The following ARHGAP35 variants were observed in gnomAD, a reference collection of about 807,000 sequenced individuals.
ARHGAP35 encodes the protein Rho GTPase activating protein 35, also known as rho GTPase-activating protein 35.
ARHGAP35 carries 15 observed loss-of-function variants against 111.1 expected under a neutral mutation model. That is an observed-to-expected ratio of 0.13 (90% CI 0.09 to 0.21). The LOEUF (loss-of-function observed/expected upper bound fraction) is 0.21, where lower values mean the gene tolerates loss of function less well. Ranked by LOEUF, ARHGAP35 falls within the 10% of genes least tolerant of loss-of-function variation. The pLI is 1.00. For missense variants in ARHGAP35, 1,262 were observed against 1,873.0 expected (o/e 0.67, Z 6.02); for synonymous variants, 643 against 710.3 (o/e 0.91, Z 1.51).
chr19:46,960,124 AAAAG>A (rs1555763504), intron 3 of ARHGAP35, among the ~76,000 whole-genome samples: 11 of 151,480 alleles, frequency 7.3e-5, no homozygotes, highest in East Asian at 3.9e-4. Context: ...AAAAAAAAAA[AAAAG>A]AAAGAAAGAA....
chr19:46,873,759 C>A (rs1470075853), intron 1 of ARHGAP35, among the ~76,000 whole-genome samples: 1 of 128,884 alleles, frequency 7.8e-6, no homozygotes, highest in East Asian at 2.4e-4. Flanking sequence ...TTTTTTTTTT[C>A]TTTTTTGAGA....
At chr19:46,877,698 A>G (rs2055933297) in intron 1 of ARHGAP35, among the ~76,000 whole-genome samples, 1 of 152,072 alleles carries the variant, frequency 6.6e-6, no homozygotes, top group African/African-American at 2.4e-5. Context: ...AAAAATTTAA[A>G]TATTTTATTA....
intron 1 of ARHGAP35, among the ~76,000 whole-genome samples, chr19:46,871,545 G>T (rs2055887445): frequency 6.6e-6 from 1 of 151,834 alleles, no homozygotes; most frequent in Non-Finnish European, 1.5e-5. Context: ...GTTTCGCCAT[G>T]TTGGCCAGGC....
chr19:46,994,749 A>T lies in ARHGAP35; in HGVS notation c.4037-4555A>T, dbSNP rs529907203. ...GAATTTGGTTTTTGTCCCCTACTGC[A>T]TCCCCAGTGTGTAAAATAGTACCCA... is the stretch of plus-strand genomic sequence containing the variant. On this transcript the variant is annotated intron_variant, in intron 5 of 6. Transcript: ENST00000672722. This position sits in a 1 kb window ranked among gnomAD's most constrained non-coding sequence, Gnocchi z 5.4. Among the ~76,000 whole-genome samples the T allele has an allele frequency of 7.2e-5, 11 of 152,270 alleles. No homozygotes were observed. In the South Asian group the frequency reaches 2.1e-3, roughly 29 times the overall value.
At chr19:46,978,487 A>ATG (rs1265453782) in intron 3 of ARHGAP35, among the ~76,000 whole-genome samples, 5 of 140,170 alleles carry the variant, frequency 3.6e-5, no homozygotes, top group Non-Finnish European at 7.7e-5. Context: ...GGGGTAGGAT[A>ATG]TGTGTGTGTG....
intron 5 of ARHGAP35, among the ~76,000 whole-genome samples, chr19:46,991,626 G>A (rs151035797): frequency 2.0e-5 from 3 of 152,170 alleles, no homozygotes; most frequent in Admixed American, 6.5e-5. Flanking sequence ...CCGTTGTCTT[G>A]AACCTGACCG....
At chr19:46,996,681 G>C (rs566027004) in intron 5 of ARHGAP35, among the ~76,000 whole-genome samples, 55 of 152,300 alleles carry the variant, frequency 3.6e-4, no homozygotes, top group African/African-American at 1.2e-3. Flanking sequence ...GTGTCCTCCT[G>C]TGCCAAGCTA....
intron 1 of ARHGAP35, among the ~76,000 whole-genome samples, chr19:46,895,578 G>T (rs950499220): frequency 6.6e-6 from 1 of 152,156 alleles, no homozygotes; most frequent in Non-Finnish European, 1.5e-5. Context: ...ATCCTTAATT[G>T]CAAGTTACTG....
intron 2 of ARHGAP35, among the ~76,000 whole-genome samples, chr19:46,927,097 A>G (rs1304460456): frequency 6.6e-6 from 1 of 152,242 alleles, no homozygotes; most frequent in Non-Finnish European, 1.5e-5. Context: ...GGGTGGGCAC[A>G]CTGACTTGAC....
chr19:46,996,392 G>A (rs369003855), intron 5 of ARHGAP35, among the ~76,000 whole-genome samples: 20 of 152,200 alleles, frequency 1.3e-4, no homozygotes, highest in East Asian at 7.7e-4. Flanking sequence ...CTGAGCCACC[G>A]CGCCCGGCCC....
chr19:46,911,519 T>C (rs1280932984), intron 1 of ARHGAP35, among the ~76,000 whole-genome samples: 1 of 152,206 alleles, frequency 6.6e-6, no homozygotes, highest in East Asian at 1.9e-4. Flanking sequence ...CTCTGAAATA[T>C]GCAGAAAGGA....
At position 46,986,044 on chromosome 19, in the gene ARHGAP35, G is replaced by A. The variant is rs187788306; in HGVS notation, c.3827-1945G>A. On this transcript the variant is annotated intron_variant, in intron 3 of 6. Coordinates refer to ENST00000672722, the MANE Select transcript of ARHGAP35 (RefSeq NM_004491.5). The surrounding 1 kb of genome is among the most constrained non-coding windows in gnomAD (Gnocchi z 4.3). ...CTCTACTGTCGGCACTGTTTCTGTT[G>A]TCCAGGGGCAGCACCCACAGTGCTT... Among the ~76,000 whole-genome samples the A allele has an allele frequency of 2.6e-5, 4 of 152,158 alleles. No individual in the cohort carries two copies. The highest frequency in any genetic ancestry group is 5.9e-5 in the Non-Finnish European group (4 of 68,028).
chr19:46,984,747 GCTTCC>G (rs2056639690), intron 3 of ARHGAP35, among the ~76,000 whole-genome samples: 1 of 152,210 alleles, frequency 6.6e-6, no homozygotes, highest in Non-Finnish European at 1.5e-5. Context: ...GCTTTCCAGT[GCTTCC>G]ATTTGTGTGA....
At chr19:46,865,299 CT>C (rs1364070642) in intron 1 of ARHGAP35, among the ~76,000 whole-genome samples, 1 of 152,172 alleles carries the variant, frequency 6.6e-6, no homozygotes, top group Non-Finnish European at 1.5e-5. Flanking sequence ...TTTGTAAAGA[CT>C]TAAAAACTAA....
rs764786143 is a variant in ARHGAP35 at position 46,877,709 on chromosome 19, A to AT, written c.-189+16510dup. ...TTTTAAAAATTTAAATATTTTATTA[A>AT]TTTTTTTTTTGGAGGGGGGACAGTT... On this transcript the variant is annotated intron_variant, in intron 1 of 6. Transcript: ENST00000672722. Among the ~76,000 whole-genome samples the AT allele has an allele frequency of 2.3e-4, 34 of 150,218 alleles. 1 individual carries two copies. Among genetic ancestry groups the AT allele is most frequent in the Admixed American group, 1.5e-3 (22 of 15,064 alleles).
chr19:46,882,085 A>G (rs994666092), intron 1 of ARHGAP35, among the ~76,000 whole-genome samples: 2 of 151,524 alleles, frequency 1.3e-5, no homozygotes, highest in Admixed American at 6.6e-5. Flanking sequence ...GTTTAAGGGA[A>G]TATTGTGGCT....
intron 1 of ARHGAP35, among the ~76,000 whole-genome samples, chr19:46,914,616 CATAAA>C (rs1005203036): frequency 3.3e-4 from 50 of 152,124 alleles, no homozygotes; most frequent in African/African-American, 1.1e-3. Flanking sequence ...GACTCCATCT[CATAAA>C]ATAAAATAAT....
rs1392688313 is a variant in ARHGAP35, at chr19:47,000,555, C to T, written c.4367C>T (p.Ala1456Val). 1 of 1,613,338 alleles carries T rather than the reference C, an allele frequency of 6.2e-7. No individual in the cohort carries two copies. The highest frequency in any genetic ancestry group is 1.3e-5 in the African/African-American group (1 of 74,830). The change falls in exon 7 of 7, where the codon GCT (alanine) becomes GTT (valine). Residue 1456 changes from alanine (A) to valine (V), a missense_variant. By Grantham distance (64) the Ala-to-Val change is moderately conservative. Transcript: ENST00000672722. This position sits in a 1 kb window ranked among gnomAD's most constrained non-coding sequence, Gnocchi z 6.9. ...GARPSSPSAVASTVPFLTSTP... is the reference protein window; with the variant it reads ...GARPSSPSAVVSTVPFLTSTP... ...AGGCCCAGCTCCCCCTCTGCCGTGG[C>T]TTCCACCGTCCCCTTCCTCACTTCC...
intron 1 of ARHGAP35, among the ~76,000 whole-genome samples, chr19:46,892,136 A>G (rs868681148): frequency 5.1e-4 from 76 of 149,944 alleles, no homozygotes; most frequent in Non-Finnish European, 9.8e-4. Flanking sequence ...AAAAAAAAAA[A>G]AAAAAAAAAA....
Sources: allele counts gnomAD v4.1 joint callset (sites outside exome capture counted in the v4.1 genomes callset), GRCh38; gene constraint gnomAD v4.1.1; non-coding constraint Gnocchi (gnomAD v3.1); transcripts MANE v1.5; gene names NCBI Gene and HGNC (gene_info 2026-07-23, HGNC 2026-07-21).